Variants in SNX11 observed in about 807,000 individuals in gnomAD.
SNX11 encodes sorting nexin-11.
In SNX11, 19 loss-of-function variants were observed where a neutral mutation model predicts 30.7. That is an observed-to-expected ratio of 0.62 (90% confidence interval 0.43 to 0.91). The LOEUF (loss-of-function observed/expected upper bound fraction) is 0.91, where lower values mean the gene tolerates loss of function less well. Among genes scored for constraint, SNX11 ranks in the 40% least tolerant of loss-of-function variants. SNX11 has a pLI of 0.00. For synonymous variants in SNX11, 112 were observed against 119.0 expected, an observed-to-expected ratio of 0.94 and a Z score of 0.38; for missense variants, 302 against 326.7, an observed-to-expected ratio of 0.92 and a Z score of 0.58.
chr17:48,114,243 T>TCC (rs201978353), intron 4 of SNX11, among the ~76,000 whole-genome samples: 1 of 148,812 alleles, frequency 6.7e-6, no homozygotes, highest in East Asian at 2.0e-4. Context: ...AACCTCCACC[T>TCC]CCCGGGTTCA....
chr17:48,115,064 CT>C (rs1239738711), intron 4 of SNX11, among the ~76,000 whole-genome samples: 250 of 123,116 alleles, frequency 2.0e-3, no homozygotes, highest in East Asian at 2.0e-3. Flanking sequence ...CGCCTTTTTT[CT>C]TTTTTTTTTT....
intron 1 of SNX11, among the ~76,000 whole-genome samples, chr17:48,111,335 G>A (rs2063490092): frequency 6.6e-6 from 1 of 152,088 alleles, no homozygotes; most frequent in South Asian, 2.1e-4. Context: ...GGGAGGGGGT[G>A]CTGTTAGGCT....
At position 48,122,126 on chromosome 17, in the gene SNX11, A is replaced by AG. The variant is rs1196360670; in HGVS notation, c.*619dup. ...CCTTAGCCTGGCTGAGTGGAGCCTG[A>AG]GACCTGCACAACAGCTCATGGTCAT... On this transcript the variant is annotated 3_prime_UTR_variant, in exon 7 of 7. Transcript: ENST00000359238. 6.5e-6 allele frequency: 1 copy of AG among 154,628 alleles called. No homozygotes were observed. The highest frequency in any genetic ancestry group is 1.5e-5 in the Non-Finnish European group (1 of 68,766). 9.6% of individuals were successfully genotyped at this position (154,628 alleles called of 1,614,324 possible). A position where few individuals can be genotyped will look rare whatever the true frequency, so the allele number is the denominator to read the frequency against.
chr17:48,116,417 T>C (rs895121540), intron 4 of SNX11, among the ~76,000 whole-genome samples: 1 of 152,116 alleles, frequency 6.6e-6, no homozygotes, highest in African/African-American at 2.4e-5. Context: ...GGTCTCACTT[T>C]GTTGCCCAGG....
chr17:48,117,284 C>T (rs2063555769), intron 4 of SNX11, among the ~76,000 whole-genome samples: 1 of 144,128 alleles, frequency 6.9e-6, no homozygotes, highest in Non-Finnish European at 1.5e-5. Context: ...GACAGAGTTT[C>T]ACTCTTGTTG....
chr17:48,120,602 G>A (rs1235978327), intron 6 of SNX11, among the ~76,000 whole-genome samples: 4 of 133,482 alleles, frequency 3.0e-5, no homozygotes, highest in South Asian at 5.2e-4. Context: ...TCTGCCTCCC[G>A]GGTTCACACC....
At chr17:48,114,812 C>T (rs1470126767) in intron 4 of SNX11, among the ~76,000 whole-genome samples, 3 of 150,378 alleles carry the variant, frequency 2.0e-5, no homozygotes, top group Non-Finnish European at 4.4e-5. Context: ...ATTACAGGCG[C>T]CTGCCACCAC....
chr17:48,114,154 C>A (rs1306564830), intron 4 of SNX11, among the ~76,000 whole-genome samples: 1 of 144,250 alleles, frequency 6.9e-6, no homozygotes, highest in African/African-American at 2.5e-5. Context: ...CCACTCCTGG[C>A]TGGGAAATAT....
intron 6 of SNX11, among the ~76,000 whole-genome samples, chr17:48,120,011 G>T (rs1598340231): frequency 6.6e-6 from 1 of 152,130 alleles, no homozygotes. Context: ...GGAGTCATAT[G>T]ATTTGTGGTC....
chr17:48,111,269 T>C (rs1396659306), intron 1 of SNX11: 2 of 249,610 alleles, frequency 8.0e-6, no homozygotes, highest in Non-Finnish European at 1.3e-5. Flanking sequence ...TTAGTGAGAC[T>C]GGGAGAAATG....
At position 48,121,545 on chromosome 17, in the gene SNX11, C is replaced by G. The variant is rs765461517; in HGVS notation, c.*37C>G. 1.2e-6 allele frequency: 2 copies of G among 1,602,264 alleles called. No individual in the cohort carries two copies. Among genetic ancestry groups the G allele is most frequent in the Non-Finnish European group, 1.7e-6 (2 of 1,173,902 alleles). ...TGCTCTGAGATGGTCAGAGAAGATG[C>G]GGGCCAGGAGACTTACTCAGGTGGG... is the stretch of plus-strand genomic sequence containing the variant. On this transcript the variant is annotated 3_prime_UTR_variant, in exon 7 of 7. Coordinates refer to ENST00000359238, the MANE Select transcript of SNX11 (RefSeq NM_013323.3).
intron 6 of SNX11, 83 bp from the exon 7 acceptor site, chr17:48,121,152 A>G: frequency 6.9e-7 from 1 of 1,448,766 alleles, no homozygotes; most frequent in Non-Finnish European, 9.4e-7. Context: ...TCCCTGGCTA[A>G]TTTATTTTTT....
intron 6 of SNX11, among the ~76,000 whole-genome samples, chr17:48,120,507 C>CTTTTTTTTT (rs71141968): frequency 2.9e-5 from 2 of 69,532 alleles, no homozygotes; most frequent in Non-Finnish European, 4.9e-5. Context: ...CGCACCTGGC[C>CTTTTTTTTT]TTTTTTTTTT....
chr17:48,109,234 T>C (rs1464166859), intron 1 of SNX11, among the ~76,000 whole-genome samples: 1 of 151,358 alleles, frequency 6.6e-6, no homozygotes, highest in Non-Finnish European at 1.5e-5. Context: ...GCCAGCCCAG[T>C]GTTTTTAAGG....
intron 1 of SNX11, among the ~76,000 whole-genome samples, chr17:48,108,604 C>G (rs1033020434): frequency 6.6e-6 from 1 of 152,230 alleles, no homozygotes; most frequent in African/African-American, 2.4e-5. Context: ...TTGTAAACAG[C>G]AAACAATCGG....
At chr17:48,116,045 G>A (rs1286046074) in intron 4 of SNX11, among the ~76,000 whole-genome samples, 1 of 151,522 alleles carries the variant, frequency 6.6e-6, no homozygotes, top group Non-Finnish European at 1.5e-5. Flanking sequence ...GGATCATGAG[G>A]TCAGGAGTTC....
At position 48,112,651 on chromosome 17, in the gene SNX11, A is replaced by T. The variant is rs776423204; in HGVS notation, c.120A>T (p.Ile40=). Residue 40 remains isoleucine (I), a synonymous_variant, in exon 3 of 7, where the codon ATA becomes ATT. Transcript: ENST00000359238. ...GSWNSYVDYK[I]FLHTNSKAFT... is the part of the protein sequence containing the mutation. ...GGAACTCTTATGTGGATTATAAGAT[A>T]TTCCTCCATGTGAGTACATCAAGCT... 1.9e-6 allele frequency: 3 copies of T among 1,608,268 alleles called. No individual in the cohort carries two copies. In the East Asian group the frequency reaches 6.7e-5, roughly 36 times the overall value.
chr17:48,118,642 G>T, intron 4 of SNX11, 62 bp from the exon 5 acceptor site: 1 of 1,202,462 alleles, frequency 8.3e-7, no homozygotes, highest in East Asian at 2.4e-5. Context: ...CTTGATCAGA[G>T]GCCGGAATGA....
rs2063604044 is a variant in SNX11, at chr17:48,121,653, A to C, written c.*145A>C. On this transcript the variant is annotated 3_prime_UTR_variant, in exon 7 of 7. Coordinates refer to ENST00000359238, the MANE Select transcript of SNX11 (RefSeq NM_013323.3). ...CTGCTTGGGCTGATTGACAGAGGTC[A>C]GTCATTACAGCCCCTTATGCCTCTT... 1.3e-6 allele frequency: 1 copy of C among 765,720 alleles called. No homozygotes were observed. Among genetic ancestry groups the C allele is most frequent in the East Asian group, 2.5e-5 (1 of 39,504 alleles). 47.4% of individuals were successfully genotyped at this position (765,720 alleles called of 1,614,324 possible). A position where few individuals can be genotyped will look rare whatever the true frequency, so the allele number is the denominator to read the frequency against.
Sources: allele counts gnomAD v4.1 joint callset (sites outside exome capture counted in the v4.1 genomes callset), GRCh38; gene constraint gnomAD v4.1.1; transcripts MANE v1.5; gene names NCBI Gene and HGNC (gene_info 2026-07-23, HGNC 2026-07-21).